CTDSPL2: variants seen among roughly 807,000 people sequenced by gnomAD.
CTDSPL2 encodes the protein CTD small phosphatase like 2.
CTDSPL2 carries 5 observed loss-of-function variants against 60.0 expected under a neutral mutation model. The observed-to-expected ratio is 0.08, with a 90% CI of 0.04 to 0.18. CTDSPL2 has a LOEUF of 0.18. Among genes scored for constraint, CTDSPL2 ranks in the 10% least tolerant of loss-of-function variants. The pLI, the probability that CTDSPL2 is intolerant of heterozygous loss-of-function variation, is 1.00. For synonymous variants in CTDSPL2, 186 were observed against 189.3 expected (o/e 0.98, Z 0.14); for missense variants, 370 against 548.8 (o/e 0.67, Z 3.26).
At chr15:44,509,635 G>T (rs1259746538) in intron 8 of CTDSPL2, among the ~76,000 whole-genome samples, 2 of 151,858 alleles carry the variant, frequency 1.3e-5, no homozygotes, top group Non-Finnish European at 2.9e-5. Context: ...AGTAGTAGTA[G>T]TGTAGTGGGT....
intron 1 of CTDSPL2, among the ~76,000 whole-genome samples, chr15:44,440,741 C>T (rs2080068878): frequency 1.3e-5 from 2 of 151,540 alleles, no homozygotes; most frequent in South Asian, 2.1e-4. Context: ...TTTTGTGTGT[C>T]TTGCAATATT....
chr15:44,466,873 A>G (rs1251028330), intron 2 of CTDSPL2, among the ~76,000 whole-genome samples: 1 of 152,100 alleles, frequency 6.6e-6, no homozygotes, highest in African/African-American at 2.4e-5. Context: ...TGGGAGATGG[A>G]GCTTGCAGTG....
At chr15:44,482,339 A>G (rs2081043648) in intron 2 of CTDSPL2, among the ~76,000 whole-genome samples, 1 of 152,226 alleles carries the variant, frequency 6.6e-6, no homozygotes, top group South Asian at 2.1e-4. Flanking sequence ...TTACAAAGTT[A>G]CAGGGGCATG....
chr15:44,448,040 T>G (rs2080254137), intron 1 of CTDSPL2: 1 of 235,518 alleles, frequency 4.2e-6, no homozygotes, highest in Admixed American at 4.6e-5. Context: ...TGTTCCAGGT[T>G]GTTGGCACCT....
chr15:44,492,176 AT>A (rs1219682881), intron 5 of CTDSPL2, among the ~76,000 whole-genome samples: 3 of 151,966 alleles, frequency 2.0e-5, no homozygotes, highest in African/African-American at 4.8e-5. Flanking sequence ...GCCAAAAAAA[AT>A]TTTTTTAAAT....
In CTDSPL2 at chr15:44,484,264, G is replaced by A. The variant is rs150517746; in HGVS notation, c.227G>A (p.Arg76His). Residue 76 changes from arginine (R) to histidine (H), a missense_variant, in exon 3 of 13, where the codon CGT becomes CAT. Coordinates refer to ENST00000260327, the MANE Select transcript of CTDSPL2 (RefSeq NM_016396.3). ...ENPSKRSRIE[R>H]DIDNNLITST... Reference sequence around the variant, plus strand: ...CCTTCAAAACGGAGTAGAATTGAACGTGATATAGATAACAATTTGATCACG... The same window carrying A: ...CCTTCAAAACGGAGTAGAATTGAACATGATATAGATAACAATTTGATCACG... The A allele has an allele frequency of 3.7e-5, 59 of 1,612,322 alleles. No individual in the cohort carries two copies. Among genetic ancestry groups the A allele is most frequent in the East Asian group, 8.9e-5 (4 of 44,860 alleles).
intron 4 of CTDSPL2, 110 bp from the exon 5 acceptor site, chr15:44,490,674 C>T: frequency 1.3e-6 from 1 of 777,822 alleles, no homozygotes; most frequent in Non-Finnish European, 2.1e-6. Flanking sequence ...CAGCTTTGTT[C>T]CTGCAGGAAT....
rs2081897728 is a variant in CTDSPL2 at position 44,527,762 on chromosome 15, C to T, written c.*3588C>T. On this transcript the variant is annotated 3_prime_UTR_variant, in exon 13 of 13. Transcript: ENST00000260327. ...AGTAAAGAATGTTTATTTTATTTCC[C>T]CTTATAGGGGAAGAGTGGACTGGGA... The T allele has an allele frequency of 6.6e-6, 1 of 152,130 alleles. No homozygotes were observed. 9.4% of individuals were successfully genotyped at this position (152,130 alleles called of 1,614,324 possible). A position where few individuals can be genotyped will look rare whatever the true frequency, so the allele number is the denominator to read the frequency against.
rs187490933 is a variant in CTDSPL2 at position 44,486,624 on chromosome 15, C to G, written c.399C>G (p.Gly133=). The G allele has an allele frequency of 3.6e-5, 58 of 1,591,842 alleles. No individual in the cohort carries two copies. Among genetic ancestry groups the G allele is most frequent in the Non-Finnish European group, 4.5e-5 (53 of 1,168,526 alleles). The change falls in exon 4 of 13, where the codon GGC becomes GGG. Residue 133 remains glycine (G), a synonymous_variant. Transcript: ENST00000260327. ...NGKLEDNPSS[G]SPPRTTLLGT... ...AATTAGAAGATAATCCTTCCTCTGG[C>G]AGTCCTCCAAGGACTACTTTGTTGG...
intron 1 of CTDSPL2, among the ~76,000 whole-genome samples, chr15:44,444,302 T>TACACACACACACACACACACAC (rs59993417): frequency 1.5e-5 from 2 of 136,196 alleles, no homozygotes; most frequent in African/African-American, 5.6e-5. Context: ...GCTTTTCCCA[T>TACACACACACACACACACACAC]ACACACACAC....
At position 44,525,196 on chromosome 15, in the gene CTDSPL2, C is replaced by T; in HGVS notation, c.*1022C>T. The T allele has an allele frequency of 2.6e-6, 1 of 387,134 alleles. No individual in the cohort carries two copies. The highest frequency in any genetic ancestry group is 4.6e-6 in the Non-Finnish European group (1 of 218,696). The allele number at this position is 387,134 out of a possible 1,614,324, so 24.0% of individuals were successfully genotyped here. On this transcript the variant is annotated 3_prime_UTR_variant, in exon 13 of 13. Transcript: ENST00000260327. Reference sequence around the variant, plus strand: ...GTTATTTTGCATGGGCTGGTAGTACCTCTGTTATGCTCTCAGTTACAATCA... The same window carrying T: ...GTTATTTTGCATGGGCTGGTAGTACTTCTGTTATGCTCTCAGTTACAATCA...
chr15:44,438,131 G>C (rs1567058300), intron 1 of CTDSPL2, among the ~76,000 whole-genome samples: 1 of 152,200 alleles, frequency 6.6e-6, no homozygotes, highest in African/African-American at 2.4e-5. Flanking sequence ...AGGCGTGGTG[G>C]TGGGCGCCTG....
chr15:44,504,870 G>T (rs2081434529), intron 8 of CTDSPL2, among the ~76,000 whole-genome samples: 1 of 152,134 alleles, frequency 6.6e-6, no homozygotes, highest in Non-Finnish European at 1.5e-5. Context: ...ATTTTAGCTT[G>T]TAGGGAACAA....
Position 44,514,665 on chromosome 15 carries a change from A to G in CTDSPL2, c.1032+5A>G. On this transcript the variant is annotated splice_donor_5th_base_variant and intron_variant, in intron 9 of 12. Coordinates refer to ENST00000260327, the MANE Select transcript of CTDSPL2 (RefSeq NM_016396.3). ...CGAATGTCTCAGATGTATGAGGTAA[A>G]CATGCTTAAGCTAATTACATATGTA... 6.2e-7 allele frequency: 1 copy of G among 1,600,396 alleles called. No individual in the cohort carries two copies. The highest frequency in any genetic ancestry group is 8.6e-7 in the Non-Finnish European group (1 of 1,167,840).
intron 12 of CTDSPL2, 143 bp from the exon 13 acceptor site, chr15:44,523,966 C>T (rs1046971723): frequency 3.2e-6 from 2 of 625,358 alleles, no homozygotes; most frequent in African/African-American, 3.7e-5. Context: ...TTAACTGCAT[C>T]TGTGTAGTAT....
chr15:44,460,528 T>G (rs1342682935), intron 2 of CTDSPL2, among the ~76,000 whole-genome samples: 1 of 152,184 alleles, frequency 6.6e-6, no homozygotes, highest in East Asian at 1.9e-4. Context: ...AAATTTTTCA[T>G]TATAATGGAA....
intron 1 of CTDSPL2, among the ~76,000 whole-genome samples, chr15:44,434,268 C>T (rs1430804906): frequency 6.6e-6 from 1 of 151,840 alleles, no homozygotes; most frequent in African/African-American, 2.4e-5. Context: ...GGCATGGTGG[C>T]GCATGCCTGT....
chr15:44,465,515 T>G (rs1294482374), intron 2 of CTDSPL2, among the ~76,000 whole-genome samples: 1 of 152,140 alleles, frequency 6.6e-6, no homozygotes, highest in Non-Finnish European at 1.5e-5. Flanking sequence ...TCACCCTTAA[T>G]TTATGTGATG....
chr15:44,456,984 C>T (rs911613601), intron 1 of CTDSPL2, among the ~76,000 whole-genome samples: 57 of 151,606 alleles, frequency 3.8e-4, no homozygotes, highest in African/African-American at 1.4e-3. Flanking sequence ...TTCAGTGATC[C>T]TTCCACTTCA....
Sources: allele counts gnomAD v4.1 joint callset (sites outside exome capture counted in the v4.1 genomes callset), GRCh38; gene constraint gnomAD v4.1.1; transcripts MANE v1.5; gene names NCBI Gene and HGNC (gene_info 2026-07-23, HGNC 2026-07-21).